Variants in TTC39B observed in about 807,000 individuals in gnomAD.
TTC39B encodes the protein tetratricopeptide repeat protein 39B.
A neutral mutation model predicts 96.6 loss-of-function variants in TTC39B; 92 were observed. The observed-to-expected ratio is 0.95, with a 90% confidence interval of 0.80 to 1.13. TTC39B has a LOEUF of 1.13. Ranked by LOEUF, TTC39B falls within the 50% of genes most tolerant of loss-of-function variation. TTC39B has a pLI of 0.00. For missense variants in TTC39B, 955 were observed against 809.3 expected (o/e 1.18, Z -2.18); for synonymous variants, 367 against 299.4 (o/e 1.23, Z -2.33).
chr9:15,200,850 G>T lies in TTC39B; in HGVS notation c.760-925C>A, dbSNP rs116227579. 6.1e-3 allele frequency among the ~76,000 whole-genome samples: 930 copies of T among 152,198 alleles called. 10 individuals are homozygous for T. The highest frequency in any genetic ancestry group is 0.021 in the African/African-American group (875 of 41,542). ...CCCGTCTCTACTAAAAATTCAGAAA[G>T]TAGCCGGGCATGGTGGCGGGTGCCT... On this transcript the variant is annotated intron_variant, in intron 7 of 19. Transcript: ENST00000512701.
intron 14 of TTC39B, 56 bp downstream of exon 14, chr9:15,187,915 T>C (rs963707527): frequency 1.8e-5 from 27 of 1,491,248 alleles, no homozygotes; most frequent in Non-Finnish European, 2.2e-5. Context: ...TAAATGAAAA[T>C]CATCCTGGCC....
At position 15,301,164 on chromosome 9, in the gene TTC39B, C is replaced by T. The variant is rs375507184; in HGVS notation, c.240+5920G>A. Among the ~76,000 whole-genome samples the T allele has an allele frequency of 3.9e-5, 6 of 152,314 alleles. No individual in the cohort carries two copies. The South Asian group carries it at 1.2e-3, about 32-fold the overall frequency. On this transcript the variant is annotated intron_variant, in intron 1 of 19. Coordinates refer to ENST00000512701, the Ensembl canonical transcript of TTC39B. ...TCAAATACCATCTCTCCTTTCAAGT[C>T]TTTGCCGGACCCTAAACAAGGGAAG...
chr9:15,221,444 C>G (rs886991633), intron 3 of TTC39B, among the ~76,000 whole-genome samples: 2 of 152,126 alleles, frequency 1.3e-5, no homozygotes, highest in African/African-American at 4.8e-5. Context: ...ATGTTGCTCC[C>G]ATGTTCTTTC....
At chr9:15,264,828 T>C (rs2131544248) in intron 2 of TTC39B, among the ~76,000 whole-genome samples, 1 of 151,556 alleles carries the variant, frequency 6.6e-6, no homozygotes, top group Non-Finnish European at 1.5e-5. Flanking sequence ...CACAAAGGGG[T>C]TTCTGATAGT....
At chr9:15,197,367 G>A (rs992469974) in intron 8 of TTC39B, among the ~76,000 whole-genome samples, 96 of 152,172 alleles carry the variant, frequency 6.3e-4, no homozygotes, top group African/African-American at 2.1e-3. Flanking sequence ...AGCATGTCAG[G>A]TACCCAAGAT....
intron 6 of TTC39B, among the ~76,000 whole-genome samples, chr9:15,204,590 A>G (rs2131322496): frequency 6.6e-6 from 1 of 152,278 alleles, no homozygotes; most frequent in East Asian, 1.9e-4. Context: ...ACTAAATTAA[A>G]TGTATGAATG....
At chr9:15,171,688 T>C (rs896318397) in exon 20 of TTC39B, 2 of 158,272 alleles carry the variant, frequency 1.3e-5, no homozygotes, top group Non-Finnish European at 2.8e-5. Flanking sequence ...CTAAACAATA[T>C]TAATTTTCAC....
intron 2 of TTC39B, among the ~76,000 whole-genome samples, chr9:15,242,360 T>G (rs1822082153): frequency 6.6e-6 from 1 of 152,046 alleles, no homozygotes; most frequent in Non-Finnish European, 1.5e-5. Flanking sequence ...GGCAGGCGGA[T>G]CACTTGAGTC....
intron 1 of TTC39B, among the ~76,000 whole-genome samples, chr9:15,284,409 C>A (rs1283532756): frequency 1.3e-5 from 2 of 152,148 alleles, no homozygotes; most frequent in Non-Finnish European, 2.9e-5. Context: ...TCATGTACCA[C>A]GGTTTCATGT....
At chr9:15,298,719 A>G (rs1006929075) in intron 1 of TTC39B, among the ~76,000 whole-genome samples, 9 of 152,114 alleles carry the variant, frequency 5.9e-5, no homozygotes, top group African/African-American at 9.7e-5. Context: ...ATCAATAATC[A>G]TGTGAGACAA....
At chr9:15,232,394 A>G (rs554738278) in intron 2 of TTC39B, 1 of 152,628 alleles carries the variant, frequency 6.6e-6, no homozygotes, top group East Asian at 1.9e-4. Flanking sequence ...AAATGAAAAT[A>G]AATTCAAAAA....
chr9:15,234,418 C>A (rs1448411708), intron 2 of TTC39B, among the ~76,000 whole-genome samples: 1 of 147,650 alleles, frequency 6.8e-6, no homozygotes, highest in Non-Finnish European at 1.5e-5. Flanking sequence ...GGGGGTCAGC[C>A]CCCCGCCCGG....
chr9:15,233,592 C>G (rs4421447), intron 2 of TTC39B, among the ~76,000 whole-genome samples: 77,532 of 149,476 alleles, frequency 0.52, 21,028 homozygotes, highest in East Asian at 0.75. Context: ...TCCTAACCGC[C>G]AGTGATCCGC....
At chr9:15,199,501 T>C (rs902616583) in intron 8 of TTC39B, among the ~76,000 whole-genome samples, 5 of 151,956 alleles carry the variant, frequency 3.3e-5, no homozygotes, top group Non-Finnish European at 4.4e-5. Flanking sequence ...TTTGGGAGGC[T>C]GAGGCGGGCG....
rs544947489 is a variant in TTC39B, at chr9:15,197,609, G to T, written c.824+2252C>A. Among the ~76,000 whole-genome samples the T allele has an allele frequency of 2.0e-5, 3 of 152,124 alleles. No individual in the cohort carries two copies. The East Asian group carries it at 5.8e-4, about 29-fold the overall frequency. ...GAAGGGAAAAAAGTAGGAGTCTCAG[G>T]AGAGAAGAAAGTAAGAATGGGGCAG... On this transcript the variant is annotated intron_variant, in intron 8 of 19. Transcript: ENST00000512701.
intron 1 of TTC39B, among the ~76,000 whole-genome samples, chr9:15,288,868 G>C (rs933676884): frequency 3.3e-5 from 5 of 152,186 alleles, no homozygotes; most frequent in Non-Finnish European, 7.3e-5. Flanking sequence ...TAAGGGGTTT[G>C]AGCATGCATG....
At chr9:15,242,688 C>T (rs1420457637) in intron 2 of TTC39B, among the ~76,000 whole-genome samples, 1 of 152,174 alleles carries the variant, frequency 6.6e-6, no homozygotes, top group African/African-American at 2.4e-5. Context: ...TCTAGACCAC[C>T]TTCTCTGGAG....
At chr9:15,241,019 C>G (rs1388370695) in intron 2 of TTC39B, among the ~76,000 whole-genome samples, 4 of 152,180 alleles carry the variant, frequency 2.6e-5, no homozygotes, top group Non-Finnish European at 5.9e-5. Flanking sequence ...GGAATCAGCC[C>G]TCATAGGAAG....
At chr9:15,215,932 G>C (rs1820490671) in intron 3 of TTC39B, among the ~76,000 whole-genome samples, 1 of 152,114 alleles carries the variant, frequency 6.6e-6, no homozygotes, top group South Asian at 2.1e-4. Flanking sequence ...TTGAAGTTGA[G>C]CTTCCATCCC....
Sources: gnomAD v4.1 joint callset for allele counts (sites outside exome capture counted in the v4.1 genomes callset) on GRCh38, gnomAD v4.1.1 for gene constraint, MANE v1.5 for transcripts, NCBI Gene and HGNC (gene_info 2026-07-23, HGNC 2026-07-21) for gene names.